ABCB1: variants seen among roughly 807,000 people sequenced by gnomAD.
ABCB1 encodes ATP binding cassette subfamily B member 1.
In ABCB1, 69 loss-of-function variants were observed where a neutral mutation model predicts 142.0. The ratio of observed to expected loss-of-function variants is 0.49; its 90% CI spans 0.40 to 0.59. The LOEUF (loss-of-function observed/expected upper bound fraction) is 0.59. ABCB1 is among the 20% of genes least tolerant of loss of function. The pLI, the probability that ABCB1 is intolerant of heterozygous loss-of-function variation, is 0.00. For missense variants in ABCB1, 1,326 were observed against 1,554.7 expected, an observed-to-expected ratio of 0.85 and a Z score of 2.47; for synonymous variants, 532 against 539.2, an observed-to-expected ratio of 0.99 and a Z score of 0.18.
At chr7:87,620,241 A>G (rs896573413) in intron 1 of ABCB1, among the ~76,000 whole-genome samples, 4 of 151,708 alleles carry the variant, frequency 2.6e-5, no homozygotes, top group African/African-American at 7.3e-5. Flanking sequence ...ACTCACTGCA[A>G]CCTCCACCTT....
chr7:87,536,665 A>G, intron 19 of ABCB1, 124 bp from the exon 20 acceptor site: 1 of 769,508 alleles, frequency 1.3e-6, no homozygotes, highest in South Asian at 1.5e-5. Flanking sequence ...TCAGGATGTG[A>G]CATTCAATAC....
At chr7:87,603,440 C>G (rs1176421825), upstream of ABCB1, among the ~76,000 whole-genome samples, 2 of 152,200 alleles carry the variant, frequency 1.3e-5, no homozygotes, top group African/African-American at 4.8e-5. Flanking sequence ...ACTTCACTGC[C>G]TTTTCCAGTC....
rs533431925 is a variant in ABCB1 at position 87,646,383 on chromosome 7, G to A, written c.-330-45305C>T. ...ACTAAAATCTTATCAGACTGTTAAAGGTGGAAATTGAGTTCTAACCTAGAT... is the reference window on the plus strand; with the variant it reads ...ACTAAAATCTTATCAGACTGTTAAAAGTGGAAATTGAGTTCTAACCTAGAT... On this transcript the variant is annotated intron_variant, in intron 1 of 28. Coordinates refer to the ABCB1 transcript ENST00000265724. Among the ~76,000 whole-genome samples the A allele has an allele frequency of 2.6e-5, 4 of 152,206 alleles. No homozygotes were observed. In the South Asian group the frequency reaches 6.2e-4, roughly 24 times the overall value.
chr7:87,682,999 T>C (rs1219889999), intron 1 of ABCB1, among the ~76,000 whole-genome samples: 1 of 152,240 alleles, frequency 6.6e-6, no homozygotes, highest in Non-Finnish European at 1.5e-5. Flanking sequence ...TTCAGTCTTC[T>C]GGATAAGTTA....
intron 25 of ABCB1, among the ~76,000 whole-genome samples, chr7:87,512,190 A>AT (rs5885587): frequency 1.3e-4 from 20 of 149,536 alleles, no homozygotes; most frequent in East Asian, 1.2e-3. Context: ...TAAAAAAAAA[A>AT]TTTTTTTTTT....
chr7:87,650,605 T>C (rs991903092), intron 1 of ABCB1, among the ~76,000 whole-genome samples: 1 of 152,112 alleles, frequency 6.6e-6, no homozygotes. Flanking sequence ...TACACAAACA[T>C]TCTGACCAGA....
At chr7:87,570,463 G>C (rs1818002423) in intron 4 of ABCB1, among the ~76,000 whole-genome samples, 1 of 152,176 alleles carries the variant, frequency 6.6e-6, no homozygotes, top group South Asian at 2.1e-4. Flanking sequence ...CCCACATTTG[G>C]TAAGAGGTAG....
intron 21 of ABCB1, among the ~76,000 whole-genome samples, chr7:87,530,061 T>C (rs905730212): frequency 1.4e-4 from 22 of 152,224 alleles, no homozygotes; most frequent in African/African-American, 5.3e-4. Context: ...TCTGAAGAGA[T>C]AGCAGAGAGG....
chr7:87,630,048 A>G (rs367731460), intron 1 of ABCB1, among the ~76,000 whole-genome samples: 4 of 152,170 alleles, frequency 2.6e-5, no homozygotes, highest in Admixed American at 6.5e-5. Context: ...CTAAGCATCA[A>G]TTTCTTAGGA....
At chr7:87,624,164 T>C (rs1197124359) in intron 1 of ABCB1, among the ~76,000 whole-genome samples, 3 of 152,266 alleles carry the variant, frequency 2.0e-5, no homozygotes, top group Non-Finnish European at 4.4e-5. Context: ...TCTATCCATT[T>C]GTGGTTCATA....
chr7:87,675,495 A>T (rs1036378994), intron 1 of ABCB1, among the ~76,000 whole-genome samples: 1 of 152,116 alleles, frequency 6.6e-6, no homozygotes, highest in Non-Finnish European at 1.5e-5. Context: ...GTACTAAAAC[A>T]AAAACAGATA....
At chr7:87,579,588 G>GT (rs34986820) in intron 4 of ABCB1, among the ~76,000 whole-genome samples, 12 of 151,674 alleles carry the variant, frequency 7.9e-5, no homozygotes, top group Middle Eastern at 3.4e-3. Flanking sequence ...ATTTTAATGT[G>GT]TTTTTTTTAA....
At chr7:87,616,441 G>A (rs543669351) in intron 1 of ABCB1, among the ~76,000 whole-genome samples, 1 of 152,156 alleles carries the variant, frequency 6.6e-6, no homozygotes, top group Non-Finnish European at 1.5e-5. Context: ...GTTTTGTTTT[G>A]TTTTAAGCAG....
chr7:87,584,433 C>T lies in ABCB1; in HGVS notation c.286+1079G>A, dbSNP rs573111173. Among the ~76,000 whole-genome samples, 34 of 152,236 alleles carry T rather than the reference C, an allele frequency of 2.2e-4. 1 individual carries two copies. The highest frequency in any genetic ancestry group is 7.7e-4 in the African/African-American group (32 of 41,560). Reference sequence around the variant, plus strand: ...TTTTCAACATTTGACCACCTGAGTGCAAACTGGATTGTAAGTTTTTGAGTA... The same window carrying T: ...TTTTCAACATTTGACCACCTGAGTGTAAACTGGATTGTAAGTTTTTGAGTA... On this transcript the variant is annotated intron_variant, in intron 4 of 27. Transcript: ENST00000622132.
intron 26 of ABCB1, among the ~76,000 whole-genome samples, chr7:87,506,425 T>G (rs1310601461): frequency 6.6e-6 from 1 of 152,224 alleles, no homozygotes; most frequent in Non-Finnish European, 1.5e-5. Context: ...TCATCTTACT[T>G]GTAACCAGCA....
intron 1 of ABCB1, among the ~76,000 whole-genome samples, chr7:87,630,595 A>G (rs977435965): frequency 6.6e-6 from 1 of 152,120 alleles, no homozygotes; most frequent in Non-Finnish European, 1.5e-5. Flanking sequence ...CAACATATAC[A>G]GTGCTTCTTG....
At chr7:87,522,500 T>C in intron 21 of ABCB1, 2 of 506,626 alleles carry the variant, frequency 3.9e-6, no homozygotes, top group South Asian at 3.1e-5. Context: ...ATTTGTGAAC[T>C]CAGACAAGCA....
At chr7:87,549,569 T>A (rs1378203178) in intron 13 of ABCB1, 51 bp from the exon 14 acceptor site, 1 of 1,613,416 alleles carries the variant, frequency 6.2e-7, no homozygotes, top group Admixed American at 1.7e-5. Flanking sequence ...CTATCTCAGC[T>A]CATATTTTAA....
intron 1 of ABCB1, among the ~76,000 whole-genome samples, chr7:87,680,578 A>T (rs1826827741): frequency 6.6e-6 from 1 of 150,606 alleles, no homozygotes; most frequent in Non-Finnish European, 1.5e-5. Flanking sequence ...GGATCACCTT[A>T]GGTCAGGAGT....
Sources: allele counts gnomAD v4.1 joint callset (sites outside exome capture counted in the v4.1 genomes callset), GRCh38; gene constraint gnomAD v4.1.1; transcripts MANE v1.5; gene names NCBI Gene and HGNC (gene_info 2026-07-23, HGNC 2026-07-21).